Variants in IGHMBP2 observed in about 807,000 individuals in gnomAD.
IGHMBP2 encodes the protein DNA-binding protein SMUBP-2.
In IGHMBP2, 81 loss-of-function variants were observed where a neutral mutation model predicts 96.0. The observed-to-expected ratio is 0.84, with a 90% confidence interval of 0.71 to 1.01. IGHMBP2 has a LOEUF of 1.01. IGHMBP2 is among the 50% of genes least tolerant of loss of function. The pLI is 0.00. For synonymous variants in IGHMBP2, 557 were observed against 548.9 expected (o/e 1.01, Z -0.21); for missense variants, 1,227 against 1,306.3 (o/e 0.94, Z 0.94).
intron 11 of IGHMBP2, 115 bp downstream of exon 11, chr11:68,934,673 C>T: frequency 1.2e-6 from 1 of 820,350 alleles, no homozygotes; most frequent in Non-Finnish European, 2.0e-6. Flanking sequence ...AGGGGTAGGG[C>T]TGACCTTATT....
In IGHMBP2 at chr11:68,933,906, G is replaced by A. The variant is rs1210997043; in HGVS notation, c.1530G>A (p.Gly510=). The A allele has an allele frequency of 2.5e-6, 4 of 1,587,900 alleles. No homozygotes were observed. The highest frequency in any genetic ancestry group is 2.7e-5 in the African/African-American group (2 of 74,456). The change falls in exon 10 of 15, where the codon GGG becomes GGA. Residue 510 remains glycine, a synonymous_variant. Coordinates refer to ENST00000255078, the MANE Select transcript of IGHMBP2 (RefSeq NM_002180.3). ...ELEEEDEQSK[G]NPGEVRLVSL... is the part of the protein sequence containing the mutation. ...AGGAGGAGGACGAACAGTCGAAAGG[G>A]AACCCTGGTGAGCTTGCTTGCAGAT...
rs952156596 is a variant in IGHMBP2, at chr11:68,930,414, G to A, written c.1235+1057G>A. ...GAGTAGAATCTCATCACAGGGGCGT[G>A]GGCAGCCCAGGAGTTGGCGGGTATG... On this transcript the variant is annotated intron_variant, in intron 8 of 14. Transcript: ENST00000255078. 9 of 1,289,624 alleles carry A rather than the reference G, an allele frequency of 7.0e-6. No homozygotes were observed. In the African/African-American group the frequency reaches 1.4e-4, roughly 20 times the overall value. 79.9% of individuals were successfully genotyped at this position (1,289,624 alleles called of 1,614,324 possible).
At chr11:68,930,876 C>T (rs1435635734) in intron 8 of IGHMBP2, among the ~76,000 whole-genome samples, 3 of 152,188 alleles carry the variant, frequency 2.0e-5, no homozygotes, top group South Asian at 2.1e-4. Flanking sequence ...AAGCTCTCAG[C>T]AGAGAGCATA....
Position 68,904,057 on chromosome 11 carries a change from G to T in IGHMBP2, c.86+19G>T, listed in dbSNP as rs1245721716. On this transcript the variant is annotated intron_variant, in intron 1 of 14. Coordinates refer to ENST00000255078, the MANE Select transcript of IGHMBP2 (RefSeq NM_002180.3). Reference sequence around the variant, plus strand: ...AGCGCAGGTACGGGAGGCCGCCGGCGCCGCTCCCTCGCGGTCGGTCCCGCC... The same window carrying T: ...AGCGCAGGTACGGGAGGCCGCCGGCTCCGCTCCCTCGCGGTCGGTCCCGCC... 5.8e-6 allele frequency: 9 copies of T among 1,542,490 alleles called. No individual in the cohort carries two copies. Among genetic ancestry groups the T allele is most frequent in the Non-Finnish European group, 7.0e-6 (8 of 1,140,338 alleles).
intron 8 of IGHMBP2, chr11:68,930,647 T>A: frequency 3.1e-6 from 1 of 318,610 alleles, no homozygotes; most frequent in Non-Finnish European, 4.5e-6. Flanking sequence ...CCGCAGCACC[T>A]TTGCCTCAGT....
intron 7 of IGHMBP2, among the ~76,000 whole-genome samples, chr11:68,923,034 C>G (rs1156569854): frequency 6.6e-6 from 1 of 152,030 alleles, no homozygotes; most frequent in African/African-American, 2.4e-5. Context: ...TCTCTATCAC[C>G]TGTGTCATTT....
In IGHMBP2 at chr11:68,908,621, C is replaced by T; in HGVS notation, c.537C>T (p.Ala179=). ...VLFGRSAPSP[A]SEIHPLTFFN... ...TTGGCAGATCTGCTCCCAGTCCTGC[C>T]AGTGAAATACGTAAGAACTTCTGAG... The change falls in exon 4 of 15, where the codon GCC becomes GCT. Residue 179 remains alanine (A), a synonymous_variant. Transcript: ENST00000255078. 2 of 1,609,966 alleles carry T rather than the reference C, an allele frequency of 1.2e-6. No individual in the cohort carries two copies. Among genetic ancestry groups the T allele is most frequent in the Middle Eastern group, 1.7e-4 (1 of 6,054 alleles).
At chr11:68,914,754 T>C in intron 5 of IGHMBP2, 69 bp from the exon 6 acceptor site, 1 of 1,517,018 alleles carries the variant, frequency 6.6e-7, no homozygotes, top group Non-Finnish European at 9.2e-7. Flanking sequence ...AGGCTTTTTG[T>C]TGTTTTAGTG....
chr11:68,913,288 G>C (rs1381359863), intron 5 of IGHMBP2, among the ~76,000 whole-genome samples: 1 of 152,078 alleles, frequency 6.6e-6, no homozygotes, highest in Non-Finnish European at 1.5e-5. Context: ...TTTTAATTGG[G>C]TGCCGACTAT....
At chr11:68,911,854 C>T (rs1263541354) in intron 5 of IGHMBP2, among the ~76,000 whole-genome samples, 1 of 152,242 alleles carries the variant, frequency 6.6e-6, no homozygotes, top group African/African-American at 2.4e-5. Flanking sequence ...GCGTGGCAGC[C>T]TTCGTGTCGG....
rs1029577198 is a variant in IGHMBP2 at position 68,920,744 on chromosome 11, A to G, written c.1060+2861A>G. On this transcript the variant is annotated intron_variant, in intron 7 of 14. Transcript: ENST00000255078. Reference sequence around the variant, plus strand: ...AGTAGTCCTTCCACCTCTGCCTCCCACAGTGCTAGGATTACAAGTGTAAGC... The same window carrying G: ...AGTAGTCCTTCCACCTCTGCCTCCCGCAGTGCTAGGATTACAAGTGTAAGC... Among the ~76,000 whole-genome samples, 7 of 151,910 alleles carry G rather than the reference A, an allele frequency of 4.6e-5. No homozygotes were observed. The Middle Eastern group carries it at 0.01, about 224-fold the overall frequency.
chr11:68,925,490 G>A (rs1438467707), intron 7 of IGHMBP2, among the ~76,000 whole-genome samples: 1 of 152,018 alleles, frequency 6.6e-6, no homozygotes, highest in Non-Finnish European at 1.5e-5. Context: ...ATCCAGTTGT[G>A]TTTTAAATCA....
chr11:68,905,891 C>T (rs1858170891), intron 1 of IGHMBP2, among the ~76,000 whole-genome samples, 178 bp from the exon 2 acceptor site: 1 of 152,074 alleles, frequency 6.6e-6, no homozygotes, highest in Non-Finnish European at 1.5e-5. Flanking sequence ...CATTAACTGC[C>T]CTAGGGGGAT....
intron 8 of IGHMBP2, chr11:68,929,653 A>C (rs1859199127): frequency 3.8e-6 from 3 of 786,892 alleles, no homozygotes; most frequent in Non-Finnish European, 4.6e-6. Context: ...TCCCCTCATG[A>C]ACCAGGCAGG....
intron 6 of IGHMBP2, among the ~76,000 whole-genome samples, chr11:68,916,768 A>T (rs1858689255): frequency 6.6e-6 from 1 of 152,050 alleles, no homozygotes; most frequent in South Asian, 2.1e-4. Context: ...GGGAGGAAGG[A>T]TAGATGCATG....
intron 8 of IGHMBP2, among the ~76,000 whole-genome samples, chr11:68,932,135 A>G (rs1414472810): frequency 1.8e-5 from 2 of 113,094 alleles, no homozygotes; most frequent in Non-Finnish European, 3.6e-5. Flanking sequence ...GTTGGGTGGC[A>G]TTCCCTGGAG....
intron 2 of IGHMBP2, among the ~76,000 whole-genome samples, chr11:68,907,698 G>A (rs889849175): frequency 6.6e-6 from 1 of 152,166 alleles, no homozygotes; most frequent in Admixed American, 6.5e-5. Context: ...GAACCTGTAG[G>A]TTGGAGTCAG....
chr11:68,904,619 GA>G (rs1296009867), intron 1 of IGHMBP2, among the ~76,000 whole-genome samples: 2 of 152,046 alleles, frequency 1.3e-5, no homozygotes, highest in African/African-American at 4.8e-5. Flanking sequence ...GGTGGGTGCG[GA>G]GTAGGGTGGG....
Position 68,936,803 on chromosome 11 carries a change from G to A in IGHMBP2, c.2323G>A (p.Gly775Arg). ...GCTGAGGCACGACAGTTCCGGGGAA[G>A]GGAAGAGGAGGTTCATCACTGTGAG... ...HGLRHDSSGE[G>R]KRRFITVSKR... The change falls in exon 13 of 15, where the codon GGG (glycine) becomes AGG (arginine). Residue 775 changes from glycine to arginine, a missense_variant. Around this residue, in one of 3 missense-constraint regions of IGHMBP2, gnomAD observed 703 missense variants for 770.3 expected, o/e 0.91. Transcript: ENST00000255078. The A allele has an allele frequency of 6.2e-7, 1 of 1,614,014 alleles. No individual in the cohort carries two copies. Among genetic ancestry groups the A allele is most frequent in the Non-Finnish European group, 8.5e-7 (1 of 1,180,038 alleles).
Sources: allele counts gnomAD v4.1 joint callset (sites outside exome capture counted in the v4.1 genomes callset), GRCh38; gene constraint gnomAD v4.1.1; regional missense constraint gnomAD v4.1.1; transcripts MANE v1.5; gene names NCBI Gene and HGNC (gene_info 2026-07-23, HGNC 2026-07-21).